CYP2B6: variants seen among roughly 807,000 people sequenced by gnomAD.
The protein encoded by CYP2B6 is cytochrome P450 family 2 subfamily B member 6.
In CYP2B6, 35 loss-of-function variants were observed where a neutral mutation model predicts 43.4. That is an observed-to-expected ratio of 0.81 (90% confidence interval 0.62 to 1.07). The LOEUF is 1.07. CYP2B6 is among the 50% of genes least tolerant of loss of function. The pLI is 0.00. For synonymous variants in CYP2B6, 239 were observed against 239.2 expected (o/e 1.00, Z 0.01); for missense variants, 624 against 632.8 (o/e 0.99, Z 0.15).
chr19:41,006,825 A>G (rs558460703), intron 3 of CYP2B6, 80 bp from the exon 4 acceptor site: 14 of 1,313,300 alleles, frequency 1.1e-5, no homozygotes, highest in Non-Finnish European at 1.5e-5. Context: ...GTGATGGCAG[A>G]CAATCACACA....
chr19:40,995,900 T>A (rs1452108239), intron 1 of CYP2B6, among the ~76,000 whole-genome samples: 3 of 152,182 alleles, frequency 2.0e-5, no homozygotes, highest in African/African-American at 7.2e-5. Context: ...CAGCCAGACA[T>A]ACATCCAGAA....
At chr19:41,004,495 G>A (rs1969147051) in intron 3 of CYP2B6, 49 bp downstream of exon 3, 1 of 1,600,794 alleles carries the variant, frequency 6.2e-7, no homozygotes, top group Admixed American at 1.7e-5. Flanking sequence ...AACACTGAGA[G>A]ATGCAGGTGC....
chr19:41,016,531 G>A lies in CYP2B6; in HGVS notation c.1295-115G>A, dbSNP rs1969369785. ...GTCCACCCTGAATTGTAGGTTAAAG[G>A]CCAGTCTTATGCAAATCTGTTGCAG... On this transcript the variant is annotated intron_variant, in intron 8 of 8. Transcript: ENST00000324071. 3 of 1,079,416 alleles carry A rather than the reference G, an allele frequency of 2.8e-6. No homozygotes were observed. In the Admixed American group the frequency reaches 5.8e-5, roughly 21 times the overall value. 66.9% of individuals were successfully genotyped at this position (1,079,416 alleles called of 1,614,324 possible).
rs1046225778 is a variant in CYP2B6, at chr19:41,010,227, A to T, written c.964+92A>T. 7 of 1,503,534 alleles carry T rather than the reference A, an allele frequency of 4.7e-6. 1 individual carries two copies. Among genetic ancestry groups the T allele is most frequent in the Non-Finnish European group, 5.5e-6 (6 of 1,091,400 alleles). 93.1% of individuals were successfully genotyped at this position (1,503,534 alleles called of 1,614,324 possible). On this transcript the variant is annotated intron_variant, in intron 6 of 8. Coordinates refer to ENST00000324071, the MANE Select transcript of CYP2B6 (RefSeq NM_000767.5). Reference sequence around the variant, plus strand: ...GGGTACCACCTGGATGAGAGAGGGGATGCTGGCTTCCTATTCTGGGAGCAC... The same window carrying T: ...GGGTACCACCTGGATGAGAGAGGGGTTGCTGGCTTCCTATTCTGGGAGCAC...
chr19:41,007,136 A>G, intron 4 of CYP2B6, 71 bp downstream of exon 4: 1 of 1,492,570 alleles, frequency 6.7e-7, no homozygotes, highest in Non-Finnish European at 9.3e-7. Context: ...GAAAAGGATG[A>G]CCTGTCTTGG....
intron 1 of CYP2B6, among the ~76,000 whole-genome samples, chr19:40,991,771 G>A (rs1968923570): frequency 6.6e-6 from 1 of 152,068 alleles, no homozygotes; most frequent in South Asian, 2.1e-4. Flanking sequence ...AGAAAAAGGA[G>A]GTGACATACA....
Position 41,004,303 on chromosome 19 carries a change from T to A in CYP2B6, c.341T>A (p.Ile114Asn). ...VDPFFRGYGVIFANGNRWKVL... is the reference protein window; with the variant it reads ...VDPFFRGYGVNFANGNRWKVL... ...CACCTCCCCTGCACCCCAGGTGTGATCTTTGCCAATGGAAACCGCTGGAAG... is the reference window on the plus strand; with the variant it reads ...CACCTCCCCTGCACCCCAGGTGTGAACTTTGCCAATGGAAACCGCTGGAAG... The change falls in exon 3 of 9, where the codon ATC becomes AAC. Residue 114 changes from isoleucine to asparagine, a missense_variant. By Grantham distance (149) the Ile-to-Asn change is moderately radical. Coordinates refer to ENST00000324071, the MANE Select transcript of CYP2B6 (RefSeq NM_000767.5). 1 of 1,613,888 alleles carries A rather than the reference T, an allele frequency of 6.2e-7. No individual in the cohort carries two copies. The highest frequency in any genetic ancestry group is 8.5e-7 in the Non-Finnish European group (1 of 1,180,022).
At chr19:41,002,108 G>A (rs1969100506) in intron 1 of CYP2B6, among the ~76,000 whole-genome samples, 1 of 152,136 alleles carries the variant, frequency 6.6e-6, no homozygotes. Context: ...GTAGGACCAT[G>A]TGAACCCTCA....
chr19:41,009,446 G>C lies in CYP2B6; in HGVS notation c.822+51G>C, dbSNP rs771339808. ...AAGGGAGGGGAGGGAGGGCAAGATG[G>C]AGAGGTGAGAAGAGGGAGGGAAAAG... On this transcript the variant is annotated intron_variant, in intron 5 of 8. Transcript: ENST00000324071. 6 of 1,376,760 alleles carry C rather than the reference G, an allele frequency of 4.4e-6. No homozygotes were observed. The Admixed American group carries it at 1.1e-4, about 25-fold the overall frequency. The allele number at this position is 1,376,760 out of a possible 1,614,324, so 85.3% of individuals were successfully genotyped here.
chr19:41,005,478 G>C (rs1969162564), intron 3 of CYP2B6, among the ~76,000 whole-genome samples: 2 of 150,526 alleles, frequency 1.3e-5, no homozygotes, highest in South Asian at 2.1e-4. Flanking sequence ...GACAGATGGA[G>C]GGACCAAAAC....
At chr19:40,998,061 CA>C (rs1376793847) in intron 1 of CYP2B6, among the ~76,000 whole-genome samples, 2 of 152,016 alleles carry the variant, frequency 1.3e-5, no homozygotes, top group African/African-American at 4.8e-5. Context: ...ATGATCACGT[CA>C]CTGCCCTCCA....
At chr19:41,005,127 C>A (rs1343364986) in intron 3 of CYP2B6, among the ~76,000 whole-genome samples, 1 of 152,092 alleles carries the variant, frequency 6.6e-6, no homozygotes. Flanking sequence ...GTTTTCCTTG[C>A]CCTGGGTGAA....
chr19:41,013,678 G>T (rs998705028), intron 8 of CYP2B6, among the ~76,000 whole-genome samples: 2 of 152,208 alleles, frequency 1.3e-5, no homozygotes, highest in Non-Finnish European at 2.9e-5. Flanking sequence ...AGGTGGAAAA[G>T]GTCTTGACGT....
chr19:41,009,866 A>G, intron 5 of CYP2B6, 128 bp from the exon 6 acceptor site: 2 of 1,106,492 alleles, frequency 1.8e-6, no homozygotes. Flanking sequence ...AGGACAGAGA[A>G]AAGCAAACTG....
At chr19:40,998,735 C>G (rs1281152849) in intron 1 of CYP2B6, among the ~76,000 whole-genome samples, 174 of 132,658 alleles carry the variant, frequency 1.3e-3, no homozygotes, top group Non-Finnish European at 1.4e-3. Flanking sequence ...TCATCCATGT[C>G]CCTACAAAGG....
chr19:41,014,855 G>T (rs544998819), intron 8 of CYP2B6, among the ~76,000 whole-genome samples: 154 of 150,896 alleles, frequency 1.0e-3, no homozygotes, highest in African/African-American at 3.6e-3. Flanking sequence ...AGGAGAGAGA[G>T]TAGGAAAAGG....
Position 40,991,440 on chromosome 19 carries a change from G to A in CYP2B6, c.135G>A (p.Gln45=). Residue 45 remains glutamine, a synonymous_variant, in exon 1 of 9, where the codon CAG becomes CAA. Transcript: ENST00000324071. ...TGCCCCTTTTGGGAAACCTTCTGCA[G>A]ATGGATAGAAGAGGCCTACTCAAAT... is the stretch of plus-strand genomic sequence containing the variant. ...RPLPLLGNLL[Q]MDRRGLLKSF... is the part of the protein sequence containing the mutation. The A allele has an allele frequency of 6.2e-7, 1 of 1,614,042 alleles. No homozygotes were observed. The highest frequency in any genetic ancestry group is 8.5e-7 in the Non-Finnish European group (1 of 1,180,040).
At chr19:40,993,696 T>C (rs1429868125) in intron 1 of CYP2B6, among the ~76,000 whole-genome samples, 2 of 152,134 alleles carry the variant, frequency 1.3e-5, no homozygotes, top group Non-Finnish European at 2.9e-5. Context: ...GCAAACCAAC[T>C]GCTAGCTGCA....
chr19:41,008,370 C>T (rs1362883420), intron 4 of CYP2B6, among the ~76,000 whole-genome samples: 3 of 143,968 alleles, frequency 2.1e-5, no homozygotes, highest in Admixed American at 7.0e-5. Flanking sequence ...CGCCACCACA[C>T]CCAGCTAATT....
Sources: gnomAD v4.1 joint callset for allele counts (sites outside exome capture counted in the v4.1 genomes callset) on GRCh38, gnomAD v4.1.1 for gene constraint, MANE v1.5 for transcripts, NCBI Gene and HGNC (gene_info 2026-07-23, HGNC 2026-07-21) for gene names.